The following EML5 variants were observed in gnomAD, a reference collection of about 807,000 sequenced individuals.
The protein encoded by EML5 is echinoderm microtubule-associated protein-like 5.
A neutral mutation model predicts 250.0 loss-of-function variants in EML5; 120 were observed. The ratio of observed to expected loss-of-function variants is 0.48; its 90% CI spans 0.41 to 0.56. EML5 has a LOEUF of 0.56. EML5 is among the 20% of genes least tolerant of loss of function. The pLI, the probability that EML5 is intolerant of heterozygous loss-of-function variation, is 0.00. For synonymous variants in EML5, 771 were observed against 806.5 expected, an observed-to-expected ratio of 0.96 and a Z score of 0.75; for missense variants, 2,006 against 2,437.6, an observed-to-expected ratio of 0.82 and a Z score of 3.73.
At chr14:88,758,365 T>C (rs1197692982) in intron 1 of EML5, among the ~76,000 whole-genome samples, 1 of 151,904 alleles carries the variant, frequency 6.6e-6, no homozygotes, top group African/African-American at 2.4e-5. Flanking sequence ...GCTAATTTTT[T>C]TGTATTTTTA....
At chr14:88,674,272 AAAC>A (rs57011514) in intron 21 of EML5, among the ~76,000 whole-genome samples, 12 of 152,110 alleles carry the variant, frequency 7.9e-5, no homozygotes, top group South Asian at 2.1e-4. Flanking sequence ...TTCATCTCAA[AAAC>A]AACAACAACA....
chr14:88,739,073 G>A, intron 5 of EML5, 59 bp from the exon 6 acceptor site: 2 of 1,480,910 alleles, frequency 1.4e-6, no homozygotes, highest in Non-Finnish European at 1.8e-6. Context: ...TCTACTATAT[G>A]AAGGTAGAAA....
intron 33 of EML5, among the ~76,000 whole-genome samples, chr14:88,629,781 G>A (rs368615515): frequency 2.6e-5 from 4 of 152,136 alleles, no homozygotes; most frequent in African/African-American, 9.7e-5. Context: ...AGAGCTGGGA[G>A]AGGCAGCACA....
In EML5 at chr14:88,614,715, T is replaced by C. The variant is rs1393584614; in HGVS notation, c.*1103A>G. ...TGATGAGTAGTGATCTTTGGCAGCA[T>C]TTAAAGTGAAAAGAAATAAGGATCT... On this transcript the variant is annotated 3_prime_UTR_variant, in exon 44 of 44. Transcript: ENST00000554922. 2 of 152,126 alleles carry C rather than the reference T, an allele frequency of 1.3e-5. No homozygotes were observed. Among genetic ancestry groups the C allele is most frequent in the Non-Finnish European group, 2.9e-5 (2 of 68,004 alleles). 9.4% of individuals were successfully genotyped at this position (152,126 alleles called of 1,614,324 possible).
intron 1 of EML5, among the ~76,000 whole-genome samples, chr14:88,786,917 G>GA (rs2094556970): frequency 6.6e-6 from 1 of 152,162 alleles, no homozygotes; most frequent in African/African-American, 2.4e-5. Context: ...AAATCATGAT[G>GA]AAAAATCAAA....
intron 25 of EML5, among the ~76,000 whole-genome samples, chr14:88,661,353 A>G (rs1462964353): frequency 1.3e-5 from 2 of 152,332 alleles, no homozygotes; most frequent in East Asian, 3.9e-4. Context: ...AGGCTCCCAA[A>G]GTACTATACT....
intron 21 of EML5, among the ~76,000 whole-genome samples, chr14:88,672,229 C>T (rs2092481546): frequency 6.6e-6 from 1 of 152,054 alleles, no homozygotes; most frequent in African/African-American, 2.4e-5. Context: ...AATTAGAACC[C>T]AAGATTAAGA....
chr14:88,674,696 A>C (rs1477779988), intron 21 of EML5, among the ~76,000 whole-genome samples: 2 of 152,170 alleles, frequency 1.3e-5, no homozygotes, highest in Admixed American at 6.5e-5. Context: ...AGTCCACCAA[A>C]GTCTTAACTC....
At chr14:88,783,726 A>C (rs536294926) in intron 1 of EML5, among the ~76,000 whole-genome samples, 1 of 152,174 alleles carries the variant, frequency 6.6e-6, no homozygotes, top group Non-Finnish European at 1.5e-5. Flanking sequence ...AGATTTCAAC[A>C]ACCCATTTGC....
chr14:88,640,713 C>G (rs2091014255), intron 31 of EML5, among the ~76,000 whole-genome samples: 1 of 151,772 alleles, frequency 6.6e-6, no homozygotes, highest in South Asian at 2.1e-4. Flanking sequence ...AAAATCAGAG[C>G]AGAAATGAAC....
intron 14 of EML5, among the ~76,000 whole-genome samples, chr14:88,698,920 G>C (rs1392861749): frequency 6.6e-6 from 1 of 152,118 alleles, no homozygotes; most frequent in Non-Finnish European, 1.5e-5. Context: ...CTACGAGATG[G>C]GAACAGATAA....
intron 17 of EML5, among the ~76,000 whole-genome samples, chr14:88,689,313 T>C (rs776153780): frequency 1.4e-5 from 2 of 147,584 alleles, no homozygotes; most frequent in African/African-American, 4.9e-5. Context: ...CAAACTGTTT[T>C]CCGAAGTTTA....
At chr14:88,758,132 C>T (rs1353266107) in intron 1 of EML5, among the ~76,000 whole-genome samples, 1 of 150,940 alleles carries the variant, frequency 6.6e-6, no homozygotes, top group Admixed American at 6.7e-5. Context: ...TCTAGTATTA[C>T]AGGCATGAGC....
At chr14:88,638,287 A>C (rs140400195) in intron 32 of EML5, among the ~76,000 whole-genome samples, 1 of 152,220 alleles carries the variant, frequency 6.6e-6, no homozygotes, top group African/African-American at 2.4e-5. Flanking sequence ...GAATACAGGT[A>C]TATTTCAAAA....
intron 8 of EML5, among the ~76,000 whole-genome samples, chr14:88,719,339 T>C (rs952605473): frequency 6.6e-6 from 1 of 151,752 alleles, no homozygotes; most frequent in Non-Finnish European, 1.5e-5. Flanking sequence ...TGAGCTGTGA[T>C]TGTGCTACTG....
intron 2 of EML5, among the ~76,000 whole-genome samples, chr14:88,749,491 T>A (rs1055828026): frequency 3.3e-5 from 5 of 152,094 alleles, no homozygotes; most frequent in African/African-American, 1.2e-4. Context: ...CTTACACATA[T>A]GAGAGTGTCC....
Position 88,792,839 on chromosome 14 carries a change from G to T in EML5, c.-336C>A. ...AGGGCCCGCCTCCAGCTCCTCAGCC[G>T]CCGCCCGCGCACGCAGCTCCCAGCC... On this transcript the variant is annotated 5_prime_UTR_variant, in exon 1 of 44. Transcript: ENST00000554922. The surrounding 1 kb of genome is among the most constrained non-coding windows in gnomAD (Gnocchi z 6.9). 1.4e-6 allele frequency: 1 copy of T among 706,930 alleles called. No homozygotes were observed. The highest frequency in any genetic ancestry group is 1.7e-6 in the Non-Finnish European group (1 of 574,138). 43.8% of individuals were successfully genotyped at this position (706,930 alleles called of 1,614,324 possible).
chr14:88,679,744 A>C (rs928892237), intron 21 of EML5, among the ~76,000 whole-genome samples: 2 of 152,130 alleles, frequency 1.3e-5, no homozygotes, highest in African/African-American at 4.8e-5. Flanking sequence ...CTACAAAAAA[A>C]AACTTTTTCA....
chr14:88,792,218 G>A lies in EML5; in HGVS notation c.197+89C>T. On this transcript the variant is annotated intron_variant, in intron 1 of 43. Transcript: ENST00000554922. The surrounding 1 kb of genome is among the most constrained non-coding windows in gnomAD (Gnocchi z 6.9). ...TCCCCTCGGGGTGATGCTCCGTGCAGGAGCGGTCACGGCGTCCAGAGGAAC... is the reference window on the plus strand; with the variant it reads ...TCCCCTCGGGGTGATGCTCCGTGCAAGAGCGGTCACGGCGTCCAGAGGAAC... The A allele has an allele frequency of 6.8e-7, 1 of 1,476,190 alleles. No homozygotes were observed. Among genetic ancestry groups the A allele is most frequent in the Non-Finnish European group, 9.1e-7 (1 of 1,097,492 alleles). The allele number at this position is 1,476,190 out of a possible 1,614,324, so 91.4% of individuals were successfully genotyped here.
Sources: gnomAD v4.1 joint callset for allele counts (sites outside exome capture counted in the v4.1 genomes callset) on GRCh38, gnomAD v4.1.1 for gene constraint, Gnocchi (gnomAD v3.1) non-coding constraint, MANE v1.5 for transcripts, NCBI Gene and HGNC (gene_info 2026-07-23, HGNC 2026-07-21) for gene names.